Variants in RIC8B observed in about 807,000 individuals in gnomAD.
RIC8B encodes the protein chaperone Ric-8B.
RIC8B carries 16 observed loss-of-function variants against 57.5 expected under a neutral mutation model. That is an observed-to-expected ratio of 0.28 (90% CI 0.19 to 0.42). RIC8B has a LOEUF of 0.42. RIC8B is among the 10% of genes least tolerant of loss of function. RIC8B has a pLI of 1.00. For missense variants in RIC8B, 481 were observed against 677.0 expected, an observed-to-expected ratio of 0.71 and a Z score of 3.21; for synonymous variants, 216 against 250.8, an observed-to-expected ratio of 0.86 and a Z score of 1.31.
intron 2 of RIC8B, among the ~76,000 whole-genome samples, chr12:106,801,737 T>G (rs1046123290): frequency 6.6e-6 from 1 of 152,216 alleles, no homozygotes; most frequent in African/African-American, 2.4e-5. Flanking sequence ...GAACCTTTAT[T>G]AAAAACATAT....
chr12:106,785,472 A>G (rs1481530787), intron 2 of RIC8B, among the ~76,000 whole-genome samples: 1 of 152,188 alleles, frequency 6.6e-6, no homozygotes, highest in Non-Finnish European at 1.5e-5. Flanking sequence ...TTTCTTAATT[A>G]TATATCTGTT....
At chr12:106,863,395 A>G (rs972987717) in intron 8 of RIC8B, among the ~76,000 whole-genome samples, 1 of 152,098 alleles carries the variant, frequency 6.6e-6, no homozygotes, top group Non-Finnish European at 1.5e-5. Flanking sequence ...CTTCTTGACC[A>G]TATTTTTCTC....
intron 1 of RIC8B, among the ~76,000 whole-genome samples, chr12:106,776,582 A>G (rs920560829): frequency 6.6e-6 from 1 of 152,146 alleles, no homozygotes; most frequent in African/African-American, 2.4e-5. Context: ...TGGCTAAACT[A>G]ATTAGACTCC....
chr12:106,861,415 TAGAC>T (rs1364819046), intron 8 of RIC8B, among the ~76,000 whole-genome samples: 1 of 152,034 alleles, frequency 6.6e-6, no homozygotes, highest in African/African-American at 2.4e-5. Context: ...AGTTCCCAAT[TAGAC>T]AGGACATATA....
intron 9 of RIC8B, among the ~76,000 whole-genome samples, chr12:106,884,072 T>G (rs1951073390): frequency 6.6e-6 from 1 of 152,236 alleles, no homozygotes; most frequent in Non-Finnish European, 1.5e-5. Flanking sequence ...CTCTTTTATC[T>G]GAAATGCTCT....
chr12:106,788,257 G>T (rs1043209216), intron 2 of RIC8B, among the ~76,000 whole-genome samples: 1 of 152,174 alleles, frequency 6.6e-6, no homozygotes, highest in African/African-American at 2.4e-5. Context: ...GCAGCTCCAC[G>T]CCTGTGGCTT....
chr12:106,873,697 G>A (rs1322401112), intron 9 of RIC8B, among the ~76,000 whole-genome samples: 1 of 152,180 alleles, frequency 6.6e-6, no homozygotes, highest in Non-Finnish European at 1.5e-5. Flanking sequence ...AGAAATGACT[G>A]TAATCTAGTC....
chr12:106,845,382 T>C (rs575309102), intron 6 of RIC8B, among the ~76,000 whole-genome samples: 1 of 152,322 alleles, frequency 6.6e-6, no homozygotes, highest in South Asian at 2.1e-4. Flanking sequence ...ATTTCTTGAC[T>C]TTGTTTCCTG....
At chr12:106,849,268 A>T (rs1035140632) in intron 6 of RIC8B, among the ~76,000 whole-genome samples, 38 of 150,934 alleles carry the variant, frequency 2.5e-4, no homozygotes, top group African/African-American at 6.1e-4. Context: ...AATTAAAAAA[A>T]TTTTTTTCTT....
At chr12:106,811,221 T>C (rs2045319999) in intron 2 of RIC8B, among the ~76,000 whole-genome samples, 1 of 152,254 alleles carries the variant, frequency 6.6e-6, no homozygotes. Context: ...AATGTGCTAA[T>C]GGTTTTCAAG....
chr12:106,831,875 T>A (rs2046365719), intron 4 of RIC8B, among the ~76,000 whole-genome samples: 1 of 152,204 alleles, frequency 6.6e-6, no homozygotes, highest in Non-Finnish European at 1.5e-5. Context: ...GTCTTTCTGT[T>A]ATCAAGCAAC....
At chr12:106,806,252 A>C (rs1352724127) in intron 2 of RIC8B, among the ~76,000 whole-genome samples, 1 of 152,030 alleles carries the variant, frequency 6.6e-6, no homozygotes, top group Non-Finnish European at 1.5e-5. Context: ...TGTCCCCAGA[A>C]ACTGTTTTTA....
At position 106,886,723 on chromosome 12, in the gene RIC8B, A is replaced by T. The variant is rs367681881; in HGVS notation, c.*708A>T. ...TAATGTACCTGAACACTAGTACCAT[A>T]GAACTGAACCACCATCTGTATCAGC... On this transcript the variant is annotated 3_prime_UTR_variant, in exon 10 of 10. Transcript: ENST00000392837. The T allele has an allele frequency of 1.0e-4, 16 of 152,798 alleles. No individual in the cohort carries two copies. The highest frequency in any genetic ancestry group is 3.8e-4 in the African/African-American group (16 of 41,590). 9.5% of individuals were successfully genotyped at this position (152,798 alleles called of 1,614,324 possible).
chr12:106,861,987 C>T (rs138034482), intron 8 of RIC8B, among the ~76,000 whole-genome samples: 20 of 152,054 alleles, frequency 1.3e-4, no homozygotes, highest in African/African-American at 4.6e-4. Flanking sequence ...GTAGCAAGCG[C>T]CAGAATGCTA....
chr12:106,866,982 A>T (rs890422338), intron 8 of RIC8B, among the ~76,000 whole-genome samples: 2 of 152,124 alleles, frequency 1.3e-5, no homozygotes, highest in African/African-American at 4.8e-5. Context: ...TACCTGTCCA[A>T]CTCCTGTAGG....
chr12:106,817,878 G>T (rs1373136012), intron 3 of RIC8B, among the ~76,000 whole-genome samples: 1 of 146,978 alleles, frequency 6.8e-6, no homozygotes, highest in Non-Finnish European at 1.5e-5. Flanking sequence ...TTGCTACTAA[G>T]AGCCCATTTA....
chr12:106,818,792 G>T (rs568576531), intron 3 of RIC8B, among the ~76,000 whole-genome samples: 9 of 151,990 alleles, frequency 5.9e-5, no homozygotes, highest in African/African-American at 2.2e-4. Flanking sequence ...TTGAGATGGA[G>T]TTTCCCTCTT....
At chr12:106,814,156 A>T (rs571322061) in intron 2 of RIC8B, among the ~76,000 whole-genome samples, 1 of 152,166 alleles carries the variant, frequency 6.6e-6, no homozygotes. Flanking sequence ...TGTAGTTTGT[A>T]TACCAGGAGG....
intron 4 of RIC8B, among the ~76,000 whole-genome samples, chr12:106,827,742 A>G (rs571049216): frequency 2.0e-5 from 3 of 152,218 alleles, no homozygotes; most frequent in Non-Finnish European, 4.4e-5. Flanking sequence ...GATTTTATTA[A>G]ACATTTTGAC....
Sources: gnomAD v4.1 joint callset for allele counts (sites outside exome capture counted in the v4.1 genomes callset) on GRCh38, gnomAD v4.1.1 for gene constraint, MANE v1.5 for transcripts, NCBI Gene and HGNC (gene_info 2026-07-23, HGNC 2026-07-21) for gene names.